EPHB1: variants seen among roughly 807,000 people sequenced by gnomAD.
The protein encoded by EPHB1 is ephrin type-B receptor 1.
A neutral mutation model predicts 94.4 loss-of-function variants in EPHB1; 30 were observed. The observed-to-expected ratio is 0.32, with a 90% CI of 0.24 to 0.43. The LOEUF (loss-of-function observed/expected upper bound fraction) is 0.43. Ranked by LOEUF, EPHB1 falls within the 20% of genes least tolerant of loss-of-function variation. The pLI is 1.00. For synonymous variants in EPHB1, 522 were observed against 489.1 expected, an observed-to-expected ratio of 1.07 and a Z score of -0.89; for missense variants, 1,055 against 1,308.3, an observed-to-expected ratio of 0.81 and a Z score of 2.99.
chr3:135,160,530 G>A (rs1349460264), intron 6 of EPHB1, among the ~76,000 whole-genome samples: 1 of 152,114 alleles, frequency 6.6e-6, no homozygotes, highest in Non-Finnish European at 1.5e-5. Context: ...ACAGGGACTT[G>A]GATCATTCCC....
chr3:135,218,741 C>T (rs1943212656), intron 12 of EPHB1, among the ~76,000 whole-genome samples: 1 of 152,238 alleles, frequency 6.6e-6, no homozygotes, highest in African/African-American at 2.4e-5. Context: ...AGTTCCTGAG[C>T]TCCTCAAGTT....
At chr3:135,060,090 A>T (rs971790013) in intron 3 of EPHB1, among the ~76,000 whole-genome samples, 2 of 152,248 alleles carry the variant, frequency 1.3e-5, no homozygotes, top group Non-Finnish European at 2.9e-5. Flanking sequence ...TTTTAGTATT[A>T]TCCACAAAGC....
chr3:134,978,008 A>G (rs758986045), intron 3 of EPHB1: 1 of 455,598 alleles, frequency 2.2e-6, no homozygotes, highest in South Asian at 1.6e-5. Flanking sequence ...CAGGATTGAC[A>G]TTGGAGGAGC....
At chr3:135,133,155 G>C in intron 5 of EPHB1, 106 bp downstream of exon 5, 2 of 1,168,578 alleles carry the variant, frequency 1.7e-6, no homozygotes, top group Non-Finnish European at 1.2e-6. Context: ...GTACTGTCAG[G>C]CCTCTGCCCA....
intron 1 of EPHB1, among the ~76,000 whole-genome samples, chr3:134,830,468 C>T (rs2036561857): frequency 6.6e-6 from 1 of 151,958 alleles, no homozygotes; most frequent in Non-Finnish European, 1.5e-5. Flanking sequence ...AACATACATG[C>T]ACATTGTCCT....
At chr3:135,140,433 G>T (rs373373750) in intron 5 of EPHB1, among the ~76,000 whole-genome samples, 2 of 152,178 alleles carry the variant, frequency 1.3e-5, no homozygotes, top group African/African-American at 2.4e-5. Context: ...ATCAATAAAC[G>T]TTCATTGAAT....
intron 2 of EPHB1, among the ~76,000 whole-genome samples, chr3:134,949,485 A>G (rs1932933628): frequency 6.6e-6 from 1 of 152,116 alleles, no homozygotes; most frequent in African/African-American, 2.4e-5. Context: ...GCTTCTATCC[A>G]CTTGCCTCCA....
chr3:135,105,697 G>A (rs1939189522), intron 3 of EPHB1, among the ~76,000 whole-genome samples: 1 of 152,178 alleles, frequency 6.6e-6, no homozygotes. Context: ...GTAGTATCAG[G>A]TGTTCCCAAC....
intron 3 of EPHB1, among the ~76,000 whole-genome samples, chr3:134,960,437 C>A (rs1238849650): frequency 6.6e-6 from 1 of 152,148 alleles, no homozygotes; most frequent in Non-Finnish European, 1.5e-5. Flanking sequence ...GTTGAGCCCC[C>A]ATTTTTGTTT....
intron 3 of EPHB1, among the ~76,000 whole-genome samples, chr3:134,961,805 C>T (rs1933532079): frequency 6.6e-6 from 1 of 152,146 alleles, no homozygotes; most frequent in Non-Finnish European, 1.5e-5. Flanking sequence ...CATTTATATA[C>T]ATTTAGATTG....
chr3:134,858,987 A>G (rs2037185935), intron 1 of EPHB1, among the ~76,000 whole-genome samples: 3 of 152,192 alleles, frequency 2.0e-5, no homozygotes, highest in Admixed American at 1.3e-4. Flanking sequence ...TATCACAGCC[A>G]CCCTGCCCTC....
At chr3:135,258,101 C>T (rs1268782388) in intron 15 of EPHB1, among the ~76,000 whole-genome samples, 1 of 152,186 alleles carries the variant, frequency 6.6e-6, no homozygotes, top group East Asian at 1.9e-4. Flanking sequence ...CCTGCACCCA[C>T]TGTCTGGCAC....
intron 5 of EPHB1, among the ~76,000 whole-genome samples, chr3:135,151,685 AT>A (rs1317956832): frequency 3.4e-5 from 5 of 148,422 alleles, no homozygotes; most frequent in African/African-American, 1.3e-4. Flanking sequence ...AATATGTTTA[AT>A]TAATTAATTA....
At chr3:134,873,468 T>A (rs1515366) in intron 1 of EPHB1, among the ~76,000 whole-genome samples, 53,166 of 152,126 alleles carry the variant, frequency 0.35, 9,394 homozygotes, top group South Asian at 0.51. Flanking sequence ...ACAACTGTAA[T>A]TGTCTTTTTA....
At chr3:134,900,885 A>G (rs1450463302) in intron 1 of EPHB1, among the ~76,000 whole-genome samples, 1 of 152,152 alleles carries the variant, frequency 6.6e-6, no homozygotes, top group Non-Finnish European at 1.5e-5. Context: ...CAATGGACCA[A>G]CAGACACATT....
Position 135,133,045 on chromosome 3 carries a change from A to C in EPHB1, c.1293A>C (p.Gln431His). Residue 431 changes from glutamine (Q) to histidine (H), a missense_variant, in exon 5 of 16, where the codon CAA (glutamine) becomes CAC (histidine). Transcript: ENST00000398015. ...TCTCTGTCAACATCACCACAAACCA[A>C]GCCGGTAAGTCTGGAGGCTTCTGTG... ...QHVSVNITTN[Q>H]AAPSTVPIMH... The C allele has an allele frequency of 6.3e-7, 1 of 1,583,454 alleles. No homozygotes were observed. Among genetic ancestry groups the C allele is most frequent in the Non-Finnish European group, 8.6e-7 (1 of 1,158,970 alleles).
chr3:134,883,689 A>G (rs2108312893), intron 1 of EPHB1, among the ~76,000 whole-genome samples: 1 of 152,334 alleles, frequency 6.6e-6, no homozygotes, highest in Admixed American at 6.5e-5. Flanking sequence ...ACACTGCTTC[A>G]TTCAGAATGT....
In EPHB1 at chr3:135,241,913, G is replaced by C. The variant is rs528240704; in HGVS notation, c.2496+616G>C. Among the ~76,000 whole-genome samples the C allele has an allele frequency of 8.5e-5, 13 of 152,326 alleles. No homozygotes were observed. The South Asian group carries it at 2.3e-3, about 27-fold the overall frequency. ...GGGCAGCTTCAGATGGGCCACAGGA[G>C]AGGGTCCCTGTCTGTGGGGAGGTCA... is the stretch of plus-strand genomic sequence containing the variant. On this transcript the variant is annotated intron_variant, in intron 13 of 15. Transcript: ENST00000398015.
At chr3:134,986,112 C>T (rs1454293277) in intron 3 of EPHB1, among the ~76,000 whole-genome samples, 2 of 152,162 alleles carry the variant, frequency 1.3e-5, no homozygotes, top group African/African-American at 2.4e-5. Flanking sequence ...AGGCTTAGCA[C>T]ATTAGGTCAG....
Sources: gnomAD v4.1 joint callset for allele counts (sites outside exome capture counted in the v4.1 genomes callset) on GRCh38, gnomAD v4.1.1 for gene constraint, MANE v1.5 for transcripts, NCBI Gene and HGNC (gene_info 2026-07-23, HGNC 2026-07-21) for gene names.